The following FTO variants were observed in gnomAD, a reference collection of about 807,000 sequenced individuals.
FTO encodes alpha-ketoglutarate-dependent dioxygenase FTO.
In FTO, 47 loss-of-function variants were observed where a neutral mutation model predicts 63.9. The observed-to-expected ratio is 0.74, with a 90% confidence interval of 0.58 to 0.94. FTO has a LOEUF of 0.94. Ranked by LOEUF, FTO falls within the 40% of genes least tolerant of loss-of-function variation. The probability of loss-of-function intolerance (pLI) is 0.00; values close to 1 mark genes in which losing one functional copy is unlikely to be tolerated. For missense variants in FTO, 562 were observed against 618.1 expected (o/e 0.91, Z 0.96); for synonymous variants, 207 against 224.4 (o/e 0.92, Z 0.69).
chr16:53,753,198 A>C (rs2076838835), intron 1 of FTO, among the ~76,000 whole-genome samples: 1 of 150,766 alleles, frequency 6.6e-6, no homozygotes, highest in Non-Finnish European at 1.5e-5. Context: ...GGTTGCAGTG[A>C]GCCGTGATCG....
intron 8 of FTO, among the ~76,000 whole-genome samples, chr16:54,062,003 T>C (rs865954348): frequency 6.6e-6 from 1 of 152,152 alleles, no homozygotes; most frequent in African/African-American, 2.4e-5. Flanking sequence ...TGGTGTGCTG[T>C]TGTGGGATCA....
chr16:53,857,919 T>C (rs1217980658), intron 4 of FTO, among the ~76,000 whole-genome samples: 3 of 152,160 alleles, frequency 2.0e-5, no homozygotes, highest in African/African-American at 7.2e-5. Context: ...AGGGATTAAT[T>C]TTTAAACCAG....
At chr16:54,087,749 A>G (rs1448754761) in intron 8 of FTO, among the ~76,000 whole-genome samples, 2 of 152,188 alleles carry the variant, frequency 1.3e-5, no homozygotes, top group African/African-American at 4.8e-5. Context: ...GTGAGCTATG[A>G]TCACGCCACT....
At chr16:53,975,101 A>G (rs996012850) in intron 8 of FTO, among the ~76,000 whole-genome samples, 3 of 152,048 alleles carry the variant, frequency 2.0e-5, no homozygotes, top group African/African-American at 7.2e-5. Context: ...TTTTATATAG[A>G]GCACATTGAA....
At chr16:53,927,722 T>G (rs1377744220) in intron 7 of FTO, among the ~76,000 whole-genome samples, 7 of 151,966 alleles carry the variant, frequency 4.6e-5, no homozygotes, top group Non-Finnish European at 1.0e-4. Flanking sequence ...GAGAGAGAGG[T>G]GTCCACTAAT....
intron 1 of FTO, among the ~76,000 whole-genome samples, chr16:53,779,347 T>A (rs765332533): frequency 6.6e-6 from 1 of 152,178 alleles, no homozygotes; most frequent in Non-Finnish European, 1.5e-5. Flanking sequence ...TCCATCTAAG[T>A]GCCTTACGGT....
intron 1 of FTO, among the ~76,000 whole-genome samples, chr16:53,745,477 C>G (rs2076628939): frequency 6.6e-6 from 1 of 152,198 alleles, no homozygotes; most frequent in Admixed American, 6.5e-5. Flanking sequence ...CAGAATTCAG[C>G]TCCACTGTGA....
chr16:53,703,972 T>G, upstream of FTO: 1 of 644,312 alleles, frequency 1.6e-6, no homozygotes, highest in Non-Finnish European at 2.8e-6. Context: ...ACTACGCTCT[T>G]CCAGCTGTCG....
At chr16:54,074,459 T>C (rs1294444881) in intron 8 of FTO, among the ~76,000 whole-genome samples, 19 of 152,192 alleles carry the variant, frequency 1.2e-4, no homozygotes, top group African/African-American at 4.6e-4. Context: ...ATATATACTT[T>C]TTAAAGCAAT....
Position 53,960,296 on chromosome 16 carries a change from G to T in FTO, c.1364+26187G>T, listed in dbSNP as rs568255162. On this transcript the variant is annotated intron_variant, in intron 8 of 8. Coordinates refer to ENST00000471389, the MANE Select transcript of FTO (RefSeq NM_001080432.3). ...TACACAGCCACATCAAAAAACCAGT[G>T]GGATCATGTGTGCCCAGCTGTGAGT... Among the ~76,000 whole-genome samples the T allele has an allele frequency of 4.8e-4, 73 of 152,274 alleles. No homozygotes were observed. In the South Asian group the frequency reaches 0.014, roughly 29 times the overall value.
intron 8 of FTO, among the ~76,000 whole-genome samples, chr16:53,982,228 G>A (rs1162528203): frequency 6.6e-6 from 1 of 152,138 alleles, no homozygotes; most frequent in African/African-American, 2.4e-5. Context: ...ACCTTATTGA[G>A]GATGAAGGTG....
intron 1 of FTO, among the ~76,000 whole-genome samples, chr16:53,751,029 TAAAA>T (rs1210855967): frequency 1.3e-5 from 2 of 152,186 alleles, no homozygotes; most frequent in Non-Finnish European, 2.9e-5. Context: ...CATCTTCAAA[TAAAA>T]GGAAGGTTTT....
rs369534445 is a variant in FTO, at chr16:53,708,278, A to G, written c.45+4049A>G. Among the ~76,000 whole-genome samples the G allele has an allele frequency of 7.9e-5, 12 of 152,064 alleles. No individual in the cohort carries two copies. The East Asian group carries it at 2.1e-3, about 27-fold the overall frequency. On this transcript the variant is annotated intron_variant, in intron 1 of 8. Transcript: ENST00000471389. ...CTACTCGGGAGGCTGAGGCATGAGA[A>G]TCACCTAACCTGGAAGGCAGAGGTT...
chr16:54,109,059 G>A (rs1244050689), intron 8 of FTO, among the ~76,000 whole-genome samples: 2 of 152,170 alleles, frequency 1.3e-5, no homozygotes, highest in Admixed American at 1.3e-4. Context: ...ATTTGAGTTG[G>A]GGATGTCTGT....
intron 8 of FTO, among the ~76,000 whole-genome samples, chr16:54,091,040 C>T (rs1466266251): frequency 1.3e-5 from 2 of 152,162 alleles, no homozygotes; most frequent in African/African-American, 2.4e-5. Context: ...GGCCCAGAGT[C>T]ACCTGTGCCG....
At chr16:54,075,723 A>G (rs941834905) in intron 8 of FTO, among the ~76,000 whole-genome samples, 44 of 152,322 alleles carry the variant, frequency 2.9e-4, no homozygotes, top group African/African-American at 1.1e-3. Context: ...TCTAATATAC[A>G]TGGACTCATG....
intron 1 of FTO, among the ~76,000 whole-genome samples, chr16:53,809,380 C>CA (rs2078460035): frequency 6.6e-6 from 1 of 152,136 alleles, no homozygotes. Context: ...CATATGCTGA[C>CA]ATTATGCAAA....
intron 8 of FTO, among the ~76,000 whole-genome samples, chr16:53,943,628 G>C (rs148795731): frequency 6.6e-6 from 1 of 152,214 alleles, no homozygotes; most frequent in Admixed American, 6.5e-5. Context: ...TTTCCTAAGC[G>C]GAACTCTGAA....
At chr16:54,055,866 T>C (rs2085421166) in intron 8 of FTO, among the ~76,000 whole-genome samples, 1 of 152,248 alleles carries the variant, frequency 6.6e-6, no homozygotes, top group Non-Finnish European at 1.5e-5. Context: ...AAGCAGGTTT[T>C]CTGTCTCTAC....
Sources: gnomAD v4.1 joint callset for allele counts (sites outside exome capture counted in the v4.1 genomes callset) on GRCh38, gnomAD v4.1.1 for gene constraint, MANE v1.5 for transcripts, NCBI Gene and HGNC (gene_info 2026-07-23, HGNC 2026-07-21) for gene names.